THSD7B: variants seen among roughly 807,000 people sequenced by gnomAD.
THSD7B encodes the protein thrombospondin type 1 domain containing 7B.
Under a neutral mutation model 213.6 loss-of-function variants are expected in THSD7B, and 138 were observed. That is an observed-to-expected ratio of 0.65 (90% CI 0.56 to 0.74). The LOEUF is 0.74. THSD7B is among the 30% of genes least tolerant of loss of function. The pLI, the probability that THSD7B is intolerant of heterozygous loss-of-function variation, is 0.00. For missense variants in THSD7B, 1,931 were observed against 1,991.5 expected (o/e 0.97, Z 0.58); for synonymous variants, 742 against 687.0 (o/e 1.08, Z -1.25).
At chr2:137,545,483 G>A (rs1378140405) in intron 15 of THSD7B, among the ~76,000 whole-genome samples, 1 of 151,708 alleles carries the variant, frequency 6.6e-6, no homozygotes, top group Non-Finnish European at 1.5e-5. Context: ...TTGAAATGAA[G>A]CCACCCCCGA....
intron 15 of THSD7B, among the ~76,000 whole-genome samples, chr2:137,480,569 A>G (rs1021229895): frequency 1.1e-4 from 16 of 152,216 alleles, no homozygotes; most frequent in Non-Finnish European, 2.9e-5. Context: ...AGAATGTTCC[A>G]TATTTTTGGC....
intron 9 of THSD7B, among the ~76,000 whole-genome samples, chr2:137,239,677 CT>C: frequency 6.6e-6 from 1 of 152,320 alleles, no homozygotes; most frequent in Non-Finnish European, 1.5e-5. Flanking sequence ...ACTACTTCCT[CT>C]CCCAACTCCT....
chr2:137,441,710 T>C (rs1295787845), intron 14 of THSD7B, among the ~76,000 whole-genome samples: 1 of 152,066 alleles, frequency 6.6e-6, no homozygotes, highest in African/African-American at 2.4e-5. Context: ...AAGACAGACA[T>C]GGAATGAAAC....
At chr2:137,621,222 T>C (rs1482325777) in intron 20 of THSD7B, among the ~76,000 whole-genome samples, 2 of 152,180 alleles carry the variant, frequency 1.3e-5, no homozygotes, top group East Asian at 1.9e-4. Context: ...TGGATGGTGA[T>C]ATCACTTGGC....
chr2:137,433,949 C>T (rs2105043978), intron 14 of THSD7B, among the ~76,000 whole-genome samples: 1 of 152,198 alleles, frequency 6.6e-6, no homozygotes, highest in South Asian at 2.1e-4. Flanking sequence ...TTCTTAGTTG[C>T]TCATTATTCC....
chr2:137,619,058 T>C (rs543588747), intron 19 of THSD7B, among the ~76,000 whole-genome samples: 1 of 152,296 alleles, frequency 6.6e-6, no homozygotes, highest in East Asian at 1.9e-4. Context: ...TTTTTTTCCC[T>C]CTGTTCCAAA....
At chr2:136,858,298 C>T (rs1683205427) in intron 1 of THSD7B, among the ~76,000 whole-genome samples, 1 of 152,096 alleles carries the variant, frequency 6.6e-6, no homozygotes, top group Non-Finnish European at 1.5e-5. Context: ...TGAAAAAAAT[C>T]AACAAATAAG....
intron 1 of THSD7B, among the ~76,000 whole-genome samples, chr2:136,831,379 A>C (rs1234835934): frequency 6.6e-6 from 1 of 152,166 alleles, no homozygotes; most frequent in African/African-American, 2.4e-5. Context: ...TATGAATGAG[A>C]AAACAGGATA....
rs190770391 is a variant in THSD7B, at chr2:137,362,225, T to C, written c.2501-43388T>C. Among the ~76,000 whole-genome samples, 360 of 152,216 alleles carry C rather than the reference T, an allele frequency of 2.4e-3. 1 individual carries two copies. The highest frequency in any genetic ancestry group is 8.5e-3 in the African/African-American group (351 of 41,532). ...ACCAGGCCTGCCTTACGAGAACTCC[T>C]GAAGGAAGCACTAAACGTGGAAAGT... is the stretch of plus-strand genomic sequence containing the variant. On this transcript the variant is annotated intron_variant, in intron 12 of 27. Coordinates refer to ENST00000409968, the MANE Select transcript of THSD7B (RefSeq NM_001316349.2).
At chr2:137,549,310 C>CTTTTTTTTTTTT in intron 15 of THSD7B, among the ~76,000 whole-genome samples, 1 of 25,204 alleles carries the variant, frequency 4.0e-5, no homozygotes, top group Non-Finnish European at 6.9e-5. Flanking sequence ...TTCAGATGCT[C>CTTTTTTTTTTTT]TTTTTTTTTT....
intron 10 of THSD7B, among the ~76,000 whole-genome samples, chr2:137,264,899 C>T (rs1682548406): frequency 1.3e-5 from 2 of 151,460 alleles, no homozygotes; most frequent in African/African-American, 4.9e-5. Context: ...CATATGCATA[C>T]ATGTGCCATG....
At chr2:137,295,241 A>G (rs995852977) in intron 12 of THSD7B, among the ~76,000 whole-genome samples, 1 of 152,130 alleles carries the variant, frequency 6.6e-6, no homozygotes, top group Admixed American at 6.5e-5. Context: ...TAAAGAAAAA[A>G]CTTGTCAATT....
intron 12 of THSD7B, among the ~76,000 whole-genome samples, chr2:137,308,825 T>A (rs1443032928): frequency 1.3e-5 from 2 of 152,150 alleles, no homozygotes; most frequent in Non-Finnish European, 2.9e-5. Flanking sequence ...ACACAACTGT[T>A]TTTTTCCTTG....
At chr2:137,024,157 T>C (rs1158059443) in intron 2 of THSD7B, among the ~76,000 whole-genome samples, 1 of 152,178 alleles carries the variant, frequency 6.6e-6, no homozygotes, top group Non-Finnish European at 1.5e-5. Flanking sequence ...GAGAAACTCT[T>C]TTGCCTTTTC....
At chr2:137,168,193 A>G (rs1457873393) in intron 6 of THSD7B, among the ~76,000 whole-genome samples, 1 of 152,196 alleles carries the variant, frequency 6.6e-6, no homozygotes, top group Non-Finnish European at 1.5e-5. Context: ...TTTGAGAAGA[A>G]TACACATTTC....
intron 2 of THSD7B, among the ~76,000 whole-genome samples, chr2:136,916,420 C>T (rs933775506): frequency 1.3e-5 from 2 of 152,184 alleles, no homozygotes; most frequent in African/African-American, 4.8e-5. Flanking sequence ...GGTTAGTGTG[C>T]ATTCACTCAT....
intron 7 of THSD7B, among the ~76,000 whole-genome samples, chr2:137,225,005 TC>T: frequency 6.6e-6 from 1 of 152,230 alleles, no homozygotes; most frequent in South Asian, 2.1e-4. Flanking sequence ...TGGGTTTTCC[TC>T]CCATGTTCAT....
At chr2:136,863,702 C>T (rs990871725) in intron 1 of THSD7B, among the ~76,000 whole-genome samples, 1 of 152,086 alleles carries the variant, frequency 6.6e-6, no homozygotes, top group African/African-American at 2.4e-5. Flanking sequence ...GAAGAGGGTT[C>T]CAGCCACAAC....
At chr2:137,573,113 C>A (rs1198499126) in intron 17 of THSD7B, among the ~76,000 whole-genome samples, 2 of 149,104 alleles carry the variant, frequency 1.3e-5, no homozygotes, top group Admixed American at 6.7e-5. Flanking sequence ...CTTTTAAAGT[C>A]TTAAAAAATT....
Sources: gnomAD v4.1 joint callset for allele counts (sites outside exome capture counted in the v4.1 genomes callset) on GRCh38, gnomAD v4.1.1 for gene constraint, MANE v1.5 for transcripts, NCBI Gene and HGNC (gene_info 2026-07-23, HGNC 2026-07-21) for gene names.